Variants in ZNF772 observed in about 807,000 individuals in gnomAD.
ZNF772 encodes the protein zinc finger protein 772.
In ZNF772, 8 loss-of-function variants were observed where a neutral mutation model predicts 11.0. That is an observed-to-expected ratio of 0.73 (90% CI 0.43 to 1.31). The LOEUF is 1.31. Ranked by LOEUF, ZNF772 falls within the 50% of genes most tolerant of loss-of-function variation. The pLI is 0.01. For synonymous variants in ZNF772, 155 were observed against 180.4 expected (o/e 0.86, Z 1.13); for missense variants, 496 against 552.3 (o/e 0.90, Z 1.02).
At chr19:57,477,199 A>G (rs765837421) in intron 1 of ZNF772, 78 bp downstream of exon 1, 56 of 1,598,078 alleles carry the variant, frequency 3.5e-5, no homozygotes, top group Non-Finnish European at 4.6e-5. Flanking sequence ...AGCTGCAGTA[A>G]CCCGAGGAAT....
rs2089236105 is a variant in ZNF772, at chr19:57,473,250, A to G, written c.*24T>C. 1 of 1,593,578 alleles carries G rather than the reference A, an allele frequency of 6.3e-7. No individual in the cohort carries two copies. Among genetic ancestry groups the G allele is most frequent in the Non-Finnish European group, 8.6e-7 (1 of 1,168,652 alleles). On this transcript the variant is annotated 3_prime_UTR_variant, in exon 4 of 4. Coordinates refer to ENST00000356584, the MANE Select transcript of ZNF772 (RefSeq NM_001144068.2). ...TCTGATGTCAGTTATTATGTTGAAC[A>G]AGGAAACGGAATTATCTCCCATCCT...
At position 57,475,845 on chromosome 19, in the gene ZNF772, G is replaced by A. The variant is rs528720591; in HGVS notation, c.73-59C>T. 451 of 1,547,548 alleles carry A rather than the reference G, an allele frequency of 2.9e-4. No homozygotes were observed. The highest frequency in any genetic ancestry group is 9.3e-4 in the African/African-American group (68 of 72,880). On this transcript the variant is annotated intron_variant, in intron 2 of 3. Coordinates refer to ENST00000356584, the MANE Select transcript of ZNF772 (RefSeq NM_001144068.2). This position sits in a 1 kb window ranked among gnomAD's most constrained non-coding sequence, Gnocchi z 4.2. Reference sequence around the variant, plus strand: ...GCATCTCTCCCAAGAACCCCCATCCGTGCCCCCACACATCTCCCTCCTGTA... The same window carrying A: ...GCATCTCTCCCAAGAACCCCCATCCATGCCCCCACACATCTCCCTCCTGTA...
chr19:57,476,636 G>A lies in ZNF772; in HGVS notation c.70C>T (p.Gln24Ter). 6.2e-7 allele frequency: 1 copy of A among 1,611,542 alleles called. No homozygotes were observed. Among genetic ancestry groups the A allele is most frequent in the East Asian group, 2.2e-5 (1 of 44,826 alleles). ...GAGCATGGACATTCTCCCCTCACCT[G>A]TATAGGGTCCACAATTACTTCTGAG... ...MNSEVIVDPI[Q>*]GQVNFEDVFV... Residue 24 changes from glutamine to a stop codon, truncating the protein, a stop_gained and splice_region_variant, in exon 2 of 4, where the codon CAG (glutamine) becomes TAG (stop). Transcript: ENST00000356584. LOFTEE classifies it high-confidence loss of function.
In ZNF772 at chr19:57,475,073, C is replaced by T; in HGVS notation, c.199+587G>A. ...CTGTGGCAACAGCTAGGGTCATGTC[C>T]ACCCAGTCAGGTACCCAGGGCTCAC... On this transcript the variant is annotated intron_variant, in intron 3 of 3. Coordinates refer to ENST00000356584, the MANE Select transcript of ZNF772 (RefSeq NM_001144068.2). This position sits in a 1 kb window ranked among gnomAD's most constrained non-coding sequence, Gnocchi z 4.2. The T allele has an allele frequency of 2.5e-6, 4 of 1,614,216 alleles. No homozygotes were observed. Among genetic ancestry groups the T allele is most frequent in the Non-Finnish European group, 3.4e-6 (4 of 1,180,028 alleles).
At position 57,476,605 on chromosome 19, in the gene ZNF772, C is replaced by T. The variant is rs144917593; in HGVS notation, c.72+29G>A. 851 of 1,612,292 alleles carry T rather than the reference C, an allele frequency of 5.3e-4. 5 individuals carry two copies. In the African/African-American group the frequency reaches 9.6e-3, roughly 18 times the overall value. On this transcript the variant is annotated intron_variant, in intron 2 of 3. Transcript: ENST00000356584. ...AGAGCGTATTGGGTGGGGGTGGGAT[C>T]GGTGAGAGCATGGACATTCTCCCCT...
rs1391099385 is a variant in ZNF772 at position 57,473,204 on chromosome 19, A to G, written c.*70T>C. The G allele has an allele frequency of 6.8e-7, 1 of 1,465,586 alleles. No homozygotes were observed. The highest frequency in any genetic ancestry group is 9.3e-7 in the Non-Finnish European group (1 of 1,080,482). The allele number at this position is 1,465,586 out of a possible 1,614,324, so 90.8% of individuals were successfully genotyped here. On this transcript the variant is annotated 3_prime_UTR_variant, in exon 4 of 4. Transcript: ENST00000356584. ...ACTTCTGGCTGTCGGCTACACATAA[A>G]GGCTATGCTTGGAGCTTCTCTCTGA...
chr19:57,475,896 C>A lies in ZNF772; in HGVS notation c.73-110G>T. 1 of 1,406,940 alleles carries A rather than the reference C, an allele frequency of 7.1e-7. No homozygotes were observed. The highest frequency in any genetic ancestry group is 1.4e-5 in the South Asian group (1 of 72,666). The allele number at this position is 1,406,940 out of a possible 1,614,324, so 87.2% of individuals were successfully genotyped here. On this transcript the variant is annotated intron_variant, in intron 2 of 3. Coordinates refer to ENST00000356584, the MANE Select transcript of ZNF772 (RefSeq NM_001144068.2). The surrounding 1 kb of genome is among the most constrained non-coding windows in gnomAD (Gnocchi z 4.2). ...CACCCTCCTACCTAACTCCTCAACTCAGGAAATATCAGGACCAGATGTCAT... is the reference window on the plus strand; with the variant it reads ...CACCCTCCTACCTAACTCCTCAACTAAGGAAATATCAGGACCAGATGTCAT...
At position 57,469,928 on chromosome 19, in the gene ZNF772, G is replaced by A. The variant is rs2089195334; in HGVS notation, c.*3346C>T. ...AAATGTAAATAATTCAAGTCTTAAT[G>A]TACTCTGACCACAATGGAATTATTG... On this transcript the variant is annotated 3_prime_UTR_variant, in exon 4 of 4. Transcript: ENST00000356584. The A allele has an allele frequency of 6.6e-6, 1 of 152,136 alleles. No homozygotes were observed. Among genetic ancestry groups the A allele is most frequent in the Admixed American group, 6.5e-5 (1 of 15,276 alleles). The allele number at this position is 152,136 out of a possible 1,614,324, so 9.4% of individuals were successfully genotyped here.
At position 57,471,779 on chromosome 19, in the gene ZNF772, A is replaced by AC. The variant is rs2089217441; in HGVS notation, c.*1494_*1495insG. On this transcript the variant is annotated 3_prime_UTR_variant, in exon 4 of 4. Coordinates refer to ENST00000356584, the MANE Select transcript of ZNF772 (RefSeq NM_001144068.2). The stretch of plus-strand genomic sequence containing the variant: ...AAAAGAAATGAACTATGAAACACAG[A>AC]ACACCACCATGAGCCTTAATTTCAG... 1 of 188,168 alleles carries AC rather than the reference A, an allele frequency of 5.3e-6. No homozygotes were observed. The highest frequency in any genetic ancestry group is 9.3e-5 in the South Asian group (1 of 10,724). The allele number at this position is 188,168 out of a possible 1,614,324, so 11.7% of individuals were successfully genotyped here. A position where few individuals can be genotyped will look rare whatever the true frequency, so the allele number is the denominator to read the frequency against.
In ZNF772 at chr19:57,475,837, C is replaced by T; in HGVS notation, c.73-51G>A. 2 of 1,554,630 alleles carry T rather than the reference C, an allele frequency of 1.3e-6. No homozygotes were observed. Among genetic ancestry groups the T allele is most frequent in the Non-Finnish European group, 1.7e-6 (2 of 1,150,842 alleles). On this transcript the variant is annotated intron_variant, in intron 2 of 3. Coordinates refer to ENST00000356584, the MANE Select transcript of ZNF772 (RefSeq NM_001144068.2). This position sits in a 1 kb window ranked among gnomAD's most constrained non-coding sequence, Gnocchi z 4.2. ...CATGAGCAGCATCTCTCCCAAGAAC[C>T]CCCATCCGTGCCCCCACACATCTCC...
chr19:57,476,267 T>G, intron 2 of ZNF772: 1 of 323,110 alleles, frequency 3.1e-6, no homozygotes, highest in Non-Finnish European at 5.8e-6. Flanking sequence ...TAACTCCCAA[T>G]CTACATAATC....
chr19:57,476,564 A>G (rs761828663), intron 2 of ZNF772, 70 bp downstream of exon 2: 6 of 1,556,670 alleles, frequency 3.9e-6, no homozygotes, highest in Non-Finnish European at 5.3e-6. Context: ...TGTTCTATAT[A>G]ACACCACAAT....
Position 57,475,254 on chromosome 19 carries a change from GC to G in ZNF772, c.199+405del. 2.9e-6 allele frequency: 4 copies of G among 1,377,210 alleles called. No homozygotes were observed. The highest frequency in any genetic ancestry group is 4.0e-6 in the Non-Finnish European group (4 of 1,012,212). The allele number at this position is 1,377,210 out of a possible 1,614,324, so 85.3% of individuals were successfully genotyped here. On this transcript the variant is annotated intron_variant, in intron 3 of 3. Coordinates refer to ENST00000356584, the MANE Select transcript of ZNF772 (RefSeq NM_001144068.2). The surrounding 1 kb of genome is among the most constrained non-coding windows in gnomAD (Gnocchi z 4.2). ...TTGCAGGAATAGTGCAGTGGTCCTAGCAAGTAGCGACCATAATGGTCCCTAC... is the reference window on the plus strand; with the variant it reads ...TTGCAGGAATAGTGCAGTGGTCCTAGAAGTAGCGACCATAATGGTCCCTAC...
Position 57,475,262 on chromosome 19 carries a change from C to A in ZNF772, c.199+398G>T, listed in dbSNP as rs113184549. ...ATAGTGCAGTGGTCCTAGCAAGTAGCGACCATAATGGTCCCTACAATTCCT... is the reference window on the plus strand; with the variant it reads ...ATAGTGCAGTGGTCCTAGCAAGTAGAGACCATAATGGTCCCTACAATTCCT... On this transcript the variant is annotated intron_variant, in intron 3 of 3. Transcript: ENST00000356584. The surrounding 1 kb of genome is among the most constrained non-coding windows in gnomAD (Gnocchi z 4.2). 1.5e-6 allele frequency: 2 copies of A among 1,291,458 alleles called. No individual in the cohort carries two copies. Among genetic ancestry groups the A allele is most frequent in the Admixed American group, 2.1e-5 (1 of 46,656 alleles). 80.0% of individuals were successfully genotyped at this position (1,291,458 alleles called of 1,614,324 possible). A position where few individuals can be genotyped will look rare whatever the true frequency, so the allele number is the denominator to read the frequency against.
In ZNF772 at chr19:57,475,759, C is replaced by T. The variant is rs373322220; in HGVS notation, c.100G>A (p.Val34Met). 2.0e-5 allele frequency: 32 copies of T among 1,609,128 alleles called. No homozygotes were observed. The highest frequency in any genetic ancestry group is 1.6e-4 in the Middle Eastern group (1 of 6,062). Reference sequence around the variant, plus strand: ...ACCCACTCCTCCTGGGAGAAGTACACGAACACGTCCTCAAAGTTCACCTGC... The same window carrying T: ...ACCCACTCCTCCTGGGAGAAGTACATGAACACGTCCTCAAAGTTCACCTGC... ...QGQVNFEDVFVYFSQEEWVLL... is the reference protein window; with the variant it reads ...QGQVNFEDVFMYFSQEEWVLL... Residue 34 changes from valine (V) to methionine (M), a missense_variant, in exon 3 of 4, where the codon GTG becomes ATG. Physicochemically the swap from Val to Met is conservative, Grantham distance 21. Coordinates refer to ENST00000356584, the MANE Select transcript of ZNF772 (RefSeq NM_001144068.2). The surrounding 1 kb of genome is among the most constrained non-coding windows in gnomAD (Gnocchi z 4.2).
rs2089240178 is a variant in ZNF772 at position 57,473,467 on chromosome 19, CTT to C, written c.1152_1153del (p.Arg385SerfsTer3). On this transcript the variant is annotated frameshift_variant, in exon 4 of 4. Coordinates refer to ENST00000356584, the MANE Select transcript of ZNF772 (RefSeq NM_001144068.2). LOFTEE classifies it low-confidence loss of function (END_TRUNC). ...ATAAGGCTTTTCACCATTATGAACT[CTT>C]TGATGTGCAATAAGGTCAGAGCTTT... The C allele has an allele frequency of 6.2e-7, 1 of 1,614,198 alleles. No individual in the cohort carries two copies. Among genetic ancestry groups the C allele is most frequent in the Non-Finnish European group, 8.5e-7 (1 of 1,180,024 alleles).
rs187936195 is a variant in ZNF772, at chr19:57,473,005, C to A, written c.*269G>T. 2 of 487,120 alleles carry A rather than the reference C, an allele frequency of 4.1e-6. No individual in the cohort carries two copies. The highest frequency in any genetic ancestry group is 3.6e-6 in the Non-Finnish European group (1 of 274,672). The allele number at this position is 487,120 out of a possible 1,614,324, so 30.2% of individuals were successfully genotyped here. A position where few individuals can be genotyped will look rare whatever the true frequency, so the allele number is the denominator to read the frequency against. ...TGTCTTTTGAAACACATTGGGGTTA[C>A]TTTGGCACAAGGCAGGACTCTTCCA... On this transcript the variant is annotated 3_prime_UTR_variant, in exon 4 of 4. Transcript: ENST00000356584.
intron 3 of ZNF772, 96 bp from the exon 4 acceptor site, chr19:57,474,517 G>T: frequency 7.7e-7 from 1 of 1,293,654 alleles, no homozygotes; most frequent in South Asian, 1.4e-5. Context: ...TAAGACCAAG[G>T]TCATAGGACT....
Position 57,475,926 on chromosome 19 carries a change from G to A in ZNF772, c.73-140C>T. The A allele has an allele frequency of 8.2e-7, 1 of 1,216,758 alleles. No individual in the cohort carries two copies. Among genetic ancestry groups the A allele is most frequent in the Non-Finnish European group, 1.1e-6 (1 of 877,678 alleles). The allele number at this position is 1,216,758 out of a possible 1,614,324, so 75.4% of individuals were successfully genotyped here. ...AATATCAGGACCAGATGTCATTGGTGTCTTCTCTCGCCTCATGGTCCCAAT... is the reference window on the plus strand; with the variant it reads ...AATATCAGGACCAGATGTCATTGGTATCTTCTCTCGCCTCATGGTCCCAAT... On this transcript the variant is annotated intron_variant, in intron 2 of 3. Transcript: ENST00000356584. This position sits in a 1 kb window ranked among gnomAD's most constrained non-coding sequence, Gnocchi z 4.2.
Sources: gnomAD v4.1 joint callset for allele counts on GRCh38, gnomAD v4.1.1 for gene constraint, Gnocchi (gnomAD v3.1) non-coding constraint, MANE v1.5 for transcripts, NCBI Gene and HGNC (gene_info 2026-07-23, HGNC 2026-07-21) for gene names.